Variants in PTPRN2 observed in about 807,000 individuals in gnomAD.
PTPRN2 encodes the protein receptor-type tyrosine-protein phosphatase N2.
In PTPRN2, 74 loss-of-function variants were observed where a neutral mutation model predicts 118.8. The ratio of observed to expected loss-of-function variants is 0.62; its 90% confidence interval spans 0.52 to 0.76. The LOEUF is 0.76. PTPRN2 is among the 30% of genes least tolerant of loss of function. PTPRN2 has a pLI of 0.00. For missense variants in PTPRN2, 1,481 were observed against 1,394.4 expected (o/e 1.06, Z -0.99); for synonymous variants, 641 against 608.0 (o/e 1.05, Z -0.80).
At chr7:158,341,501 T>C (rs1329365031) in intron 2 of PTPRN2, among the ~76,000 whole-genome samples, 9 of 105,468 alleles carry the variant, frequency 8.5e-5, no homozygotes, top group Admixed American at 9.7e-5. Context: ...TGGTGACACG[T>C]GCAGACGTCA....
intron 13 of PTPRN2, among the ~76,000 whole-genome samples, chr7:157,672,454 CA>C (rs35397380): frequency 0.27 from 41,698 of 151,736 alleles, 6,078 homozygotes; most frequent in East Asian, 0.35. Flanking sequence ...TTTTGTTTTG[CA>C]AAAAAAATCT....
intron 3 of PTPRN2, among the ~76,000 whole-genome samples, chr7:158,305,332 A>G (rs747589055): frequency 9.2e-5 from 14 of 152,358 alleles, no homozygotes; most frequent in Non-Finnish European, 1.5e-4. Flanking sequence ...GACAACAGAA[A>G]AAATAGGGAT....
chr7:158,379,704 A>C lies in PTPRN2; in HGVS notation c.164-62772T>G, dbSNP rs1350169432. Reference sequence around the variant, plus strand: ...GAAACAGAAAGACTCCAAGAAGGCCAAAGTCAGTAGACCCACAAGAGGTTC... The same window carrying C: ...GAAACAGAAAGACTCCAAGAAGGCCCAAGTCAGTAGACCCACAAGAGGTTC... On this transcript the variant is annotated intron_variant, in intron 2 of 22. Coordinates refer to ENST00000389418, the MANE Select transcript of PTPRN2 (RefSeq NM_002847.5). Among the ~76,000 whole-genome samples, 6 of 152,332 alleles carry C rather than the reference A, an allele frequency of 3.9e-5. No homozygotes were observed. The East Asian group carries it at 9.6e-4, about 24-fold the overall frequency.
chr7:157,738,549 G>C (rs1378408729), intron 12 of PTPRN2, among the ~76,000 whole-genome samples: 1 of 152,234 alleles, frequency 6.6e-6, no homozygotes, highest in Non-Finnish European at 1.5e-5. Context: ...GCAGCCAGCG[G>C]CTGGTCACTC....
At chr7:158,134,176 GA>G (rs1476525507) in intron 8 of PTPRN2, 117 bp from the exon 9 acceptor site, 66 of 1,198,050 alleles carry the variant, frequency 5.5e-5, no homozygotes, top group Non-Finnish European at 7.2e-5. Context: ...AGCCTGGAAG[GA>G]GAGTGTGGGA....
chr7:158,017,605 C>T (rs1164718394), intron 11 of PTPRN2, among the ~76,000 whole-genome samples: 2 of 152,194 alleles, frequency 1.3e-5, no homozygotes. Flanking sequence ...ACAGTTTCAG[C>T]ATTGATGCTG....
At chr7:157,649,525 T>C (rs1182570883) in intron 14 of PTPRN2, among the ~76,000 whole-genome samples, 2 of 134,602 alleles carry the variant, frequency 1.5e-5, no homozygotes, top group African/African-American at 2.7e-5. Flanking sequence ...GTCGGACCCA[T>C]TCACTGTGCA....
At chr7:157,681,777 T>C (rs1306428785) in intron 13 of PTPRN2, among the ~76,000 whole-genome samples, 3 of 152,140 alleles carry the variant, frequency 2.0e-5, no homozygotes, top group Non-Finnish European at 4.4e-5. Context: ...ATAATAATAT[T>C]TACTTTACAT....
At position 157,715,834 on chromosome 7, in the gene PTPRN2, T is replaced by C. The variant is rs57111248; in HGVS notation, c.1789-32897A>G. Among the ~76,000 whole-genome samples the C allele has an allele frequency of 8.3e-3, 1,267 of 152,170 alleles. 21 individuals are homozygous for C. The highest frequency in any genetic ancestry group is 0.029 in the African/African-American group (1,196 of 41,508). On this transcript the variant is annotated intron_variant, in intron 12 of 22. Coordinates refer to ENST00000389418, the MANE Select transcript of PTPRN2 (RefSeq NM_002847.5). ...AGACTCCTGTGCTGAGGTTGCAGGG[T>C]TGCACTCTGAAAAGACACCCAGGGC...
At chr7:158,226,509 G>A (rs2150809532) in intron 3 of PTPRN2, among the ~76,000 whole-genome samples, 1 of 152,312 alleles carries the variant, frequency 6.6e-6, no homozygotes, top group East Asian at 1.9e-4. Flanking sequence ...GAGAATGCCA[G>A]GGACAGACTG....
chr7:157,547,407 G>A (rs1040075035), intron 22 of PTPRN2, among the ~76,000 whole-genome samples: 8 of 152,072 alleles, frequency 5.3e-5, no homozygotes, highest in Admixed American at 4.6e-4. Flanking sequence ...TTCCAAGGTT[G>A]GACCCTTCCA....
chr7:158,365,712 A>G (rs1809392292), intron 2 of PTPRN2, among the ~76,000 whole-genome samples: 3 of 147,592 alleles, frequency 2.0e-5, no homozygotes, highest in Non-Finnish European at 1.5e-5. Flanking sequence ...ATGCACACGC[A>G]CACACACCCA....
intron 1 of PTPRN2, among the ~76,000 whole-genome samples, chr7:158,548,801 G>A (rs1324507351): frequency 1.3e-5 from 2 of 152,170 alleles, no homozygotes; most frequent in Admixed American, 6.5e-5. Context: ...GGCAGGAGCC[G>A]CCCTGACCAC....
At chr7:158,403,926 A>T (rs1208249654) in intron 2 of PTPRN2, among the ~76,000 whole-genome samples, 1 of 152,252 alleles carries the variant, frequency 6.6e-6, no homozygotes, top group Admixed American at 6.5e-5. Context: ...TTTAAAATGT[A>T]GGGTAAAAGT....
intron 6 of PTPRN2, among the ~76,000 whole-genome samples, chr7:158,155,082 A>G (rs1186110898): frequency 1.3e-5 from 2 of 152,218 alleles, no homozygotes; most frequent in Non-Finnish European, 2.9e-5. Flanking sequence ...TCATAATGAC[A>G]TTTTAAGTAG....
intron 12 of PTPRN2, among the ~76,000 whole-genome samples, chr7:157,851,031 G>T (rs1368930767): frequency 1.3e-5 from 2 of 152,234 alleles, no homozygotes; most frequent in African/African-American, 2.4e-5. Flanking sequence ...AAAAGGCGGC[G>T]AGGGAGGTAC....
At chr7:157,733,467 C>T (rs1162364733) in intron 12 of PTPRN2, among the ~76,000 whole-genome samples, 23 of 25,710 alleles carry the variant, frequency 8.9e-4, no homozygotes, top group Admixed American at 2.0e-3. Context: ...CTCTTTTCCG[C>T]CCCATGCGCC....
At chr7:157,607,797 G>A (rs1329780373) in intron 15 of PTPRN2, among the ~76,000 whole-genome samples, 1 of 152,190 alleles carries the variant, frequency 6.6e-6, no homozygotes, top group African/African-American at 2.4e-5. Flanking sequence ...TAGCTCGGGA[G>A]TCCTGGGGAG....
chr7:158,235,304 T>C (rs956596018), intron 3 of PTPRN2, among the ~76,000 whole-genome samples: 2 of 152,232 alleles, frequency 1.3e-5, no homozygotes, highest in African/African-American at 4.8e-5. Flanking sequence ...CTGTGTTTAT[T>C]GCAGGACTAG....
Sources: allele counts gnomAD v4.1 joint callset (sites outside exome capture counted in the v4.1 genomes callset), GRCh38; gene constraint gnomAD v4.1.1; transcripts MANE v1.5; gene names NCBI Gene and HGNC (gene_info 2026-07-23, HGNC 2026-07-21).